LAMB4: variants seen among roughly 807,000 people sequenced by gnomAD.
LAMB4 encodes the protein laminin subunit beta-4.
A neutral mutation model predicts 199.2 loss-of-function variants in LAMB4; 196 were observed. That is an observed-to-expected ratio of 0.98 (90% CI 0.88 to 1.11). The LOEUF is 1.11. Among genes scored for constraint, LAMB4 ranks in the 50% least tolerant of loss-of-function variants. LAMB4 has a pLI of 0.00. For missense variants in LAMB4, 2,080 were observed against 2,171.2 expected (o/e 0.96, Z 0.83); for synonymous variants, 744 against 770.6 (o/e 0.97, Z 0.57).
chr7:108,068,597 T>C (rs1017452997), intron 18 of LAMB4, among the ~76,000 whole-genome samples: 1 of 152,176 alleles, frequency 6.6e-6, no homozygotes, highest in Non-Finnish European at 1.5e-5. Flanking sequence ...TAGCCTTGAA[T>C]TCCTGGGCTT....
At chr7:108,013,422 G>C in the LAMB4 span, among the ~76,000 whole-genome samples, 6 of 152,286 alleles carry the variant, frequency 3.9e-5, no homozygotes, top group South Asian at 1.2e-3. Context: ...ATACAGAAAA[G>C]TGGGCGGTTT....
At chr7:108,116,355 T>C (rs1248264913) in intron 2 of LAMB4, among the ~76,000 whole-genome samples, 194 bp from the exon 3 acceptor site, 2 of 152,166 alleles carry the variant, frequency 1.3e-5, no homozygotes, top group Admixed American at 1.3e-4. Context: ...GTAATACCTC[T>C]TTGAGTCTTT....
intron 29 of LAMB4, among the ~76,000 whole-genome samples, chr7:108,041,517 T>C (rs2035421622): frequency 6.6e-6 from 1 of 152,154 alleles, no homozygotes; most frequent in Non-Finnish European, 1.5e-5. Flanking sequence ...AATGATAGAC[T>C]GGATAAAGAA....
chr7:108,065,453 A>G (rs1310459426), intron 21 of LAMB4, among the ~76,000 whole-genome samples: 1 of 152,198 alleles, frequency 6.6e-6, no homozygotes, highest in Non-Finnish European at 1.5e-5. Flanking sequence ...TATCACATTT[A>G]TATCTTACTT....
chr7:108,080,022 T>C (rs535366608), intron 14 of LAMB4, among the ~76,000 whole-genome samples: 65 of 152,330 alleles, frequency 4.3e-4, no homozygotes, highest in Non-Finnish European at 8.4e-4. Context: ...TTGAAAGCAG[T>C]GTTCCGGGAA....
Position 108,065,742 on chromosome 7 carries a change from T to C in LAMB4, c.2836+20A>G, listed in dbSNP as rs756642734. The C allele has an allele frequency of 5.0e-6, 8 of 1,600,038 alleles. No individual in the cohort carries two copies. The highest frequency in any genetic ancestry group is 3.3e-4 in the Middle Eastern group (2 of 6,014). ...TGTGGGATAAAGAGAAAAAATTGCA[T>C]CAAGCACTATACTGCATACCCGTAT... On this transcript the variant is annotated intron_variant, in intron 21 of 33. Coordinates refer to ENST00000388781, the MANE Select transcript of LAMB4 (RefSeq NM_007356.3).
intron 26 of LAMB4, 37 bp downstream of exon 26, chr7:108,052,060 T>C (rs1300930305): frequency 3.8e-6 from 6 of 1,559,720 alleles, no homozygotes; most frequent in Non-Finnish European, 5.2e-6. Context: ...TCATCAAACT[T>C]TGTGCAGACA....
At chr7:108,119,701 T>C (rs895677088) in intron 2 of LAMB4, among the ~76,000 whole-genome samples, 25 of 152,148 alleles carry the variant, frequency 1.6e-4, no homozygotes, top group African/African-American at 4.8e-4. Flanking sequence ...ACTGTGGTGA[T>C]GGGCACATAA....
Position 108,104,351 on chromosome 7 carries a change from TGGGAAC to T in LAMB4, c.991+142_991+147del. 3.7e-6 allele frequency: 3 copies of T among 810,000 alleles called. No homozygotes were observed. The South Asian group carries it at 5.9e-5, about 16-fold the overall frequency. The allele number at this position is 810,000 out of a possible 1,614,324, so 50.2% of individuals were successfully genotyped here. On this transcript the variant is annotated intron_variant, in intron 9 of 33. Coordinates refer to ENST00000388781, the MANE Select transcript of LAMB4 (RefSeq NM_007356.3). ...TGGCGATTCTTCTATGTGGGATAATTGGGAACACTGGGATATCACACTATAGGAGCT... is the reference window on the plus strand; with the variant it reads ...TGGCGATTCTTCTATGTGGGATAATTACTGGGATATCACACTATAGGAGCT...
chr7:108,073,173 T>C (rs1261252029), intron 17 of LAMB4, among the ~76,000 whole-genome samples: 1 of 152,198 alleles, frequency 6.6e-6, no homozygotes, highest in East Asian at 1.9e-4. Context: ...GCCCAGCTAA[T>C]TTTTGTACTT....
At chr7:108,051,703 A>G (rs1181150921) in intron 26 of LAMB4, among the ~76,000 whole-genome samples, 1 of 151,966 alleles carries the variant, frequency 6.6e-6, no homozygotes, top group Non-Finnish European at 1.5e-5. Context: ...CTCACATTCC[A>G]TTGCATTTAT....
At chr7:108,029,528 T>C (rs2034957084) in intron 32 of LAMB4, among the ~76,000 whole-genome samples, 1 of 152,216 alleles carries the variant, frequency 6.6e-6, no homozygotes, top group South Asian at 2.1e-4. Flanking sequence ...CCCAATCCCA[T>C]CCTTGACAAA....
chr7:108,102,570 G>A (rs926352530), intron 10 of LAMB4, among the ~76,000 whole-genome samples: 8 of 152,014 alleles, frequency 5.3e-5, no homozygotes, highest in African/African-American at 1.9e-4. Flanking sequence ...GGGGTATAAG[G>A]GTGTATATTA....
At chr7:108,059,919 C>T (rs557559032) in intron 23 of LAMB4, among the ~76,000 whole-genome samples, 5 of 152,294 alleles carry the variant, frequency 3.3e-5, no homozygotes, top group East Asian at 3.9e-4. Flanking sequence ...TATTAGCTTA[C>T]GGCTTTGTAA....
chr7:108,098,277 G>A (rs2037691638), intron 11 of LAMB4, 126 bp downstream of exon 11: 4 of 438,634 alleles, frequency 9.1e-6, no homozygotes, highest in Non-Finnish European at 1.4e-5. Context: ...AGGTTGGAGT[G>A]AGCCGAGATT....
chr7:108,048,971 G>A (rs553532831), intron 27 of LAMB4, among the ~76,000 whole-genome samples: 27 of 152,302 alleles, frequency 1.8e-4, no homozygotes, highest in East Asian at 9.6e-4. Flanking sequence ...AATTACAGGC[G>A]TGAGCCACCG....
chr7:108,014,016 A>T, the LAMB4 span, among the ~76,000 whole-genome samples: 1 of 152,236 alleles, frequency 6.6e-6, no homozygotes, highest in Non-Finnish European at 1.5e-5. Context: ...GGCCACCCAG[A>T]AATTATTTTT....
At chr7:108,034,414 A>G in intron 30 of LAMB4, 68 bp from the exon 31 acceptor site, 1 of 1,272,146 alleles carries the variant, frequency 7.9e-7, no homozygotes, top group Non-Finnish European at 1.1e-6. Context: ...ACCTTGAGAG[A>G]GTTCATTTGA....
At chr7:108,086,942 G>GGA (rs755845529) in intron 14 of LAMB4, among the ~76,000 whole-genome samples, 27 of 152,144 alleles carry the variant, frequency 1.8e-4, no homozygotes, top group South Asian at 8.3e-4. Context: ...GGGAATTAGG[G>GGA]GAGGGGACTA....
Sources: gnomAD v4.1 joint callset for allele counts (sites outside exome capture counted in the v4.1 genomes callset) on GRCh38, gnomAD v4.1.1 for gene constraint, MANE v1.5 for transcripts, NCBI Gene and HGNC (gene_info 2026-07-23, HGNC 2026-07-21) for gene names.